Variants in TBC1D21 observed in about 807,000 individuals in gnomAD.
TBC1D21 encodes TBC1 domain family member 21, also known as male germ cell Rab GTPase-activating protein.
In TBC1D21, 38 loss-of-function variants were observed where a neutral mutation model predicts 46.0. The ratio of observed to expected loss-of-function variants is 0.83; its 90% CI spans 0.64 to 1.08. The LOEUF (loss-of-function observed/expected upper bound fraction) is 1.08. Ranked by LOEUF, TBC1D21 falls within the 50% of genes least tolerant of loss-of-function variation. The pLI is 0.00. For synonymous variants in TBC1D21, 151 were observed against 157.2 expected (o/e 0.96, Z 0.29); for missense variants, 415 against 417.9 (o/e 0.99, Z 0.06).
chr15:73,887,544 G>T, intron 8 of TBC1D21, 76 bp from the exon 9 acceptor site: 1 of 1,280,114 alleles, frequency 7.8e-7, no homozygotes, highest in South Asian at 1.2e-5. Flanking sequence ...GCACGTGGTT[G>T]GTGGGTACCT....
chr15:73,905,523 C>G, the TBC1D21 span, among the ~76,000 whole-genome samples: 3 of 152,156 alleles, frequency 2.0e-5, no homozygotes, highest in Non-Finnish European at 2.9e-5. Context: ...GTGCTGAAGT[C>G]AGCTTGCTGG....
Position 73,885,054 on chromosome 15 carries a change from A to G in TBC1D21, c.530A>G (p.Glu177Gly), listed in dbSNP as rs1233335935. The G allele has an allele frequency of 9.9e-6, 16 of 1,611,274 alleles. No individual in the cohort carries two copies. In the Middle Eastern group the frequency reaches 1.8e-3, roughly 183 times the overall value. Residue 177 changes from glutamate to glycine, a missense_variant, in exon 6 of 11, where the codon GAG (glutamate) becomes GGG (glycine). Glu to Gly is a moderately conservative substitution (Grantham distance 98). Coordinates refer to ENST00000300504, the MANE Select transcript of TBC1D21 (RefSeq NM_153356.3). ...EMMMLFQLMV[E>G]HDHETFWLFQ... ...ATGATGCTCTTCCAGCTGATGGTGG[A>G]GCACGACCACGAGACCTTCTGGCTT...
chr15:73,881,411 C>T lies in TBC1D21; in HGVS notation c.73C>T (p.Pro25Ser), dbSNP rs1372730607. 1 of 1,613,954 alleles carries T rather than the reference C, an allele frequency of 6.2e-7. No individual in the cohort carries two copies. Among genetic ancestry groups the T allele is most frequent in the Admixed American group, 1.7e-5 (1 of 59,994 alleles). The part of the protein sequence containing the change: ...SASFILVKRK[P>S]PIDKTEWDSF... ...CTGCTTTTGCCAGGTGAAGAGAAAA[C>T]CACCCATTGACAAGACAGAATGGGA... is the stretch of plus-strand genomic sequence containing the variant. Residue 25 changes from proline (P) to serine (S), a missense_variant, in exon 2 of 11, where the codon CCA becomes TCA. By Grantham distance (74) the Pro-to-Ser change is moderately conservative (BLOSUM62 -1). Transcript: ENST00000300504.
At chr15:73,902,602 C>T in the TBC1D21 span, among the ~76,000 whole-genome samples, 1 of 152,326 alleles carries the variant, frequency 6.6e-6, no homozygotes, top group South Asian at 2.1e-4. Flanking sequence ...CTGGTGCCCA[C>T]CCCACAGCCC....
the TBC1D21 span, among the ~76,000 whole-genome samples, chr15:73,906,525 G>C: frequency 6.6e-6 from 1 of 152,180 alleles, no homozygotes; most frequent in Non-Finnish European, 1.5e-5. Flanking sequence ...GAGAGGACAA[G>C]GTACACGGAG....
In TBC1D21 at chr15:73,887,715, G is replaced by A; in HGVS notation, c.873G>A (p.Met291Ile). ...MVREQVLQES[M>I]GGDDILLACN... ...GGGAGCAGGTGCTGCAGGAAAGCAT[G>A]GGCGGGGATGACATCCTCCTGGTGA... The change falls in exon 9 of 11, where the codon ATG becomes ATA. Residue 291 changes from methionine to isoleucine, a missense_variant. Transcript: ENST00000300504. 1 of 1,613,720 alleles carries A rather than the reference G, an allele frequency of 6.2e-7. No homozygotes were observed. Among genetic ancestry groups the A allele is most frequent in the South Asian group, 1.1e-5 (1 of 91,062 alleles).
intron 1 of TBC1D21, among the ~76,000 whole-genome samples, chr15:73,878,723 C>A (rs1014276414): frequency 7.9e-5 from 12 of 152,206 alleles, no homozygotes; most frequent in African/African-American, 2.9e-4. Context: ...CAGTCTCCAC[C>A]AAAATCACAG....
At chr15:73,901,971 C>T in the TBC1D21 span, among the ~76,000 whole-genome samples, 1 of 152,052 alleles carries the variant, frequency 6.6e-6, no homozygotes, top group Non-Finnish European at 1.5e-5. Flanking sequence ...ACCACCTCAC[C>T]CAGCTAATTG....
chr15:73,895,004 G>A, the TBC1D21 span, among the ~76,000 whole-genome samples: 32 of 152,286 alleles, frequency 2.1e-4, no homozygotes, highest in East Asian at 3.9e-4. Flanking sequence ...ACGGGAGGGC[G>A]GAGTCACAAG....
chr15:73,888,158 A>G (rs556561034), intron 9 of TBC1D21, among the ~76,000 whole-genome samples: 92 of 152,348 alleles, frequency 6.0e-4, no homozygotes, highest in Non-Finnish European at 7.8e-4. Context: ...CACCCTAATT[A>G]TAAACCAAGT....
chr15:73,909,739 A>C, the TBC1D21 span: 1 of 152,136 alleles, frequency 6.6e-6, no homozygotes, highest in Non-Finnish European at 1.5e-5. Context: ...ACCGAGACTC[A>C]CTTCTTTCTC....
intron 1 of TBC1D21, 118 bp downstream of exon 1, chr15:73,873,887 C>T: frequency 8.3e-7 from 1 of 1,201,356 alleles, no homozygotes; most frequent in South Asian, 1.3e-5. Context: ...GAAGGTGGAG[C>T]AAGGGCGGTT....
At position 73,886,070 on chromosome 15, in the gene TBC1D21, G is replaced by C. The variant is rs371117471; in HGVS notation, c.580-8G>C. 2 of 1,613,712 alleles carry C rather than the reference G, an allele frequency of 1.2e-6. No homozygotes were observed. Among genetic ancestry groups the C allele is most frequent in the East Asian group, 4.5e-5 (2 of 44,898 alleles). ...GGGACTCAGTCTGTCTCCCACCATC[G>C]TGTGCAGGAACACAGCTGTGTCATC... On this transcript the variant is annotated splice_region_variant and splice_polypyrimidine_tract_variant and intron_variant, in intron 6 of 10. Transcript: ENST00000300504.
chr15:73,898,878 A>AAATATATATATAT, the TBC1D21 span, among the ~76,000 whole-genome samples: 1 of 61,378 alleles, frequency 1.6e-5, no homozygotes, highest in African/African-American at 5.2e-5. Flanking sequence ...AAAAAAAAAA[A>AAATATATATATAT]AAATATATAT....
chr15:73,874,985 G>A lies in TBC1D21; in HGVS notation c.60+1216G>A, dbSNP rs142804883. Among the ~76,000 whole-genome samples the A allele has an allele frequency of 4.5e-3, 690 of 152,246 alleles. 4 individuals carry two copies. Among genetic ancestry groups the A allele is most frequent in the African/African-American group, 0.016 (660 of 41,542 alleles). On this transcript the variant is annotated intron_variant, in intron 1 of 10. Coordinates refer to ENST00000300504, the MANE Select transcript of TBC1D21 (RefSeq NM_153356.3). Reference sequence around the variant, plus strand: ...AACCTGTCCAGGTGCAGTGGCTCACGCCTGTAATCCCAGCACTTTGGGAGG... The same window carrying A: ...AACCTGTCCAGGTGCAGTGGCTCACACCTGTAATCCCAGCACTTTGGGAGG...
At position 73,887,698 on chromosome 15, in the gene TBC1D21, G is replaced by A. The variant is rs2141582272; in HGVS notation, c.856G>A (p.Val286Met). ...YSMLQMVREQ[V>M]LQESMGGDDI... ...CATGCTGCAGATGGTGCGGGAGCAG[G>A]TGCTGCAGGAAAGCATGGGCGGGGA... The change falls in exon 9 of 11, where the codon GTG (valine) becomes ATG (methionine). Residue 286 changes from valine to methionine, a missense_variant. Coordinates refer to ENST00000300504, the MANE Select transcript of TBC1D21 (RefSeq NM_153356.3). 6.2e-7 allele frequency: 1 copy of A among 1,613,972 alleles called. No individual in the cohort carries two copies. Among genetic ancestry groups the A allele is most frequent in the Non-Finnish European group, 8.5e-7 (1 of 1,179,926 alleles).
chr15:73,875,325 G>GAA (rs201147527), intron 1 of TBC1D21, among the ~76,000 whole-genome samples: 32,925 of 129,120 alleles, frequency 0.25, 5,064 homozygotes, highest in East Asian at 0.67. Context: ...AGGAAGGAAG[G>GAA]GAGGGAGGGA....
intron 2 of TBC1D21, 30 bp downstream of exon 2, chr15:73,881,536 C>A: frequency 6.2e-7 from 1 of 1,610,360 alleles, no homozygotes; most frequent in Non-Finnish European, 8.5e-7. Context: ...TTGGCCTTGC[C>A]CTGGAACTGG....
intron 1 of TBC1D21, among the ~76,000 whole-genome samples, chr15:73,875,311 G>GGGAAGGAA (rs201470084): frequency 1.8e-4 from 24 of 133,040 alleles, no homozygotes; most frequent in South Asian, 5.4e-4. Flanking sequence ...GAGGGAAGAA[G>GGGAAGGAA]GGAAGGAAGG....
Sources: allele counts gnomAD v4.1 joint callset (sites outside exome capture counted in the v4.1 genomes callset), GRCh38; gene constraint gnomAD v4.1.1; transcripts MANE v1.5; gene names NCBI Gene and HGNC (gene_info 2026-07-23, HGNC 2026-07-21).